ZC3H3: variants seen among roughly 807,000 people sequenced by gnomAD.
ZC3H3 encodes the protein zinc finger CCCH domain-containing protein 3.
Under a neutral mutation model 77.3 loss-of-function variants are expected in ZC3H3, and 36 were observed. The ratio of observed to expected loss-of-function variants is 0.47; its 90% CI spans 0.36 to 0.61. The LOEUF is 0.61. ZC3H3 is among the 20% of genes least tolerant of loss of function. The pLI is 0.00. For missense variants in ZC3H3, 1,331 were observed against 1,312.2 expected (o/e 1.01, Z -0.22); for synonymous variants, 626 against 555.2 (o/e 1.13, Z -1.79).
chr8:143,463,453 A>G (rs1283365431), intron 9 of ZC3H3, among the ~76,000 whole-genome samples: 6 of 152,230 alleles, frequency 3.9e-5, no homozygotes, highest in East Asian at 3.8e-4. Context: ...GGGGACGGCA[A>G]TGGACACAGC....
intron 5 of ZC3H3, among the ~76,000 whole-genome samples, chr8:143,473,542 G>C (rs909993048): frequency 1.3e-5 from 2 of 152,196 alleles, no homozygotes; most frequent in African/African-American, 4.8e-5. Context: ...TGGGCAGAGG[G>C]ATCAGCCTGG....
intron 3 of ZC3H3, among the ~76,000 whole-genome samples, chr8:143,526,694 C>T (rs1349433805): frequency 6.6e-6 from 1 of 152,150 alleles, no homozygotes; most frequent in Non-Finnish European, 1.5e-5. Context: ...AAGGCTACAG[C>T]CCCAGCAGGG....
intron 3 of ZC3H3, among the ~76,000 whole-genome samples, chr8:143,512,325 G>A (rs1006788891): frequency 7.9e-5 from 12 of 152,234 alleles, no homozygotes; most frequent in Non-Finnish European, 1.6e-4. Context: ...ATCAACAGCT[G>A]CCCTGGCACC....
chr8:143,439,293 T>C (rs747562184), intron 11 of ZC3H3, among the ~76,000 whole-genome samples: 3 of 152,096 alleles, frequency 2.0e-5, no homozygotes, highest in Non-Finnish European at 2.9e-5. Flanking sequence ...CATTTGAGTG[T>C]GCTCAGCGGA....
intron 4 of ZC3H3, among the ~76,000 whole-genome samples, chr8:143,498,327 G>C (rs1021026736): frequency 2.6e-5 from 4 of 152,232 alleles, no homozygotes; most frequent in Admixed American, 6.5e-5. Context: ...CTGCAGGGCT[G>C]AGCCTTCCTG....
At position 143,493,682 on chromosome 8, in the gene ZC3H3, T is replaced by C. The variant is rs1471067136; in HGVS notation, c.1715+14064A>G. Reference sequence around the variant, plus strand: ...ATGCTGTCAAGCCCCTGCTAGCAGCTTCTGTGGCACCTTCCGTGCAAAACC... The same window carrying C: ...ATGCTGTCAAGCCCCTGCTAGCAGCCTCTGTGGCACCTTCCGTGCAAAACC... On this transcript the variant is annotated intron_variant, in intron 4 of 11. Coordinates refer to ENST00000262577, the MANE Select transcript of ZC3H3 (RefSeq NM_015117.3). This position sits in a 1 kb window ranked among gnomAD's most constrained non-coding sequence, Gnocchi z 4.8. Among the ~76,000 whole-genome samples, 1 of 152,212 alleles carries C rather than the reference T, an allele frequency of 6.6e-6. No individual in the cohort carries two copies. The highest frequency in any genetic ancestry group is 6.5e-5 in the Admixed American group (1 of 15,278).
chr8:143,485,498 G>A (rs1227663681), intron 4 of ZC3H3, among the ~76,000 whole-genome samples: 1 of 152,134 alleles, frequency 6.6e-6, no homozygotes, highest in Admixed American at 6.5e-5. Flanking sequence ...TCTCCATGGG[G>A]AGACAAAAGG....
At chr8:143,482,373 C>T (rs371717594) in intron 4 of ZC3H3, among the ~76,000 whole-genome samples, 1 of 152,220 alleles carries the variant, frequency 6.6e-6, no homozygotes, top group Non-Finnish European at 1.5e-5. Flanking sequence ...CCTGGCCCTG[C>T]GGATGTGCCG....
chr8:143,481,231 A>C (rs1389069200), intron 4 of ZC3H3, among the ~76,000 whole-genome samples: 1 of 152,206 alleles, frequency 6.6e-6, no homozygotes, highest in Admixed American at 6.5e-5. Flanking sequence ...TGGTGCGACC[A>C]GCGGCTACAC....
intron 3 of ZC3H3, among the ~76,000 whole-genome samples, chr8:143,517,045 C>T (rs1822079244): frequency 6.6e-6 from 1 of 152,186 alleles, no homozygotes; most frequent in Non-Finnish European, 1.5e-5. Context: ...AGACGCAGCA[C>T]CACCGAAGCC....
Position 143,448,593 on chromosome 8 carries a change from G to T in ZC3H3, c.2308-7473C>A, listed in dbSNP as rs148313899. On this transcript the variant is annotated intron_variant, in intron 9 of 11. Coordinates refer to ENST00000262577, the MANE Select transcript of ZC3H3 (RefSeq NM_015117.3). The stretch of plus-strand genomic sequence containing the variant: ...GGCTCCCAAGTCCTCAGCCAGCTCC[G>T]CCGCCATGGCTCTGCAGGGTTCAGC... Among the ~76,000 whole-genome samples, 8 of 152,328 alleles carry T rather than the reference G, an allele frequency of 5.3e-5. No homozygotes were observed. In the East Asian group the frequency reaches 1.2e-3, roughly 22 times the overall value.
At chr8:143,520,571 G>A (rs1429248415) in intron 3 of ZC3H3, among the ~76,000 whole-genome samples, 2 of 152,180 alleles carry the variant, frequency 1.3e-5, no homozygotes, top group Admixed American at 6.5e-5. Flanking sequence ...CAGACACCCC[G>A]AGATCACCCA....
chr8:143,449,377 G>A (rs532863986), intron 9 of ZC3H3, among the ~76,000 whole-genome samples: 85 of 152,252 alleles, frequency 5.6e-4, no homozygotes, highest in Admixed American at 2.7e-3. Flanking sequence ...TATGAGCACC[G>A]AATGTCAGAA....
chr8:143,494,107 G>A lies in ZC3H3; in HGVS notation c.1715+13639C>T, dbSNP rs116886343. Among the ~76,000 whole-genome samples, 1,388 of 152,182 alleles carry A rather than the reference G, an allele frequency of 9.1e-3. 13 individuals carry two copies. Among genetic ancestry groups the A allele is most frequent in the Middle Eastern group, 0.024 (7 of 294 alleles). On this transcript the variant is annotated intron_variant, in intron 4 of 11. Coordinates refer to ENST00000262577, the MANE Select transcript of ZC3H3 (RefSeq NM_015117.3). The surrounding 1 kb of genome is among the most constrained non-coding windows in gnomAD (Gnocchi z 5.3). ...TGGGGAGTGGGAGGGGAAGGGGAGC[G>A]CTGAGGGCCATCCCCACAGGCCTCC...
rs567243882 is a variant in ZC3H3, at chr8:143,465,658, A to C, written c.2307+59T>G. The C allele has an allele frequency of 5.7e-5, 91 of 1,601,012 alleles. No individual in the cohort carries two copies. The East Asian group carries it at 1.8e-3, about 31-fold the overall frequency. ...CCACCACGGCAGGTACCCAGGAGTG[A>C]GCAGAGGACCAACAAGCCACAGGAA... On this transcript the variant is annotated intron_variant, in intron 9 of 11. Transcript: ENST00000262577.
At chr8:143,486,220 T>C (rs1318170443) in intron 4 of ZC3H3, among the ~76,000 whole-genome samples, 3 of 152,178 alleles carry the variant, frequency 2.0e-5, no homozygotes, top group Admixed American at 6.5e-5. Context: ...AAAGAATGAG[T>C]TCCCGCCAGG....
chr8:143,506,954 G>A (rs952311543), intron 4 of ZC3H3, among the ~76,000 whole-genome samples: 8 of 152,238 alleles, frequency 5.3e-5, no homozygotes, highest in Non-Finnish European at 1.0e-4. Flanking sequence ...TCTGGCCCAC[G>A]CCACTCCCCC....
intron 3 of ZC3H3, among the ~76,000 whole-genome samples, chr8:143,518,379 C>G (rs1398859619): frequency 6.6e-6 from 1 of 152,248 alleles, no homozygotes; most frequent in South Asian, 2.1e-4. Context: ...CCATGTGGCA[C>G]GGCCTTCTCT....
Position 143,539,348 on chromosome 8 carries a change from T to A in ZC3H3, c.47-28A>T, listed in dbSNP as rs751515421. ...GAGAAGACAGAACCACAGGCCCAGTTAGCCAGAGGGTAACCGCGATAATCA... is the reference window on the plus strand; with the variant it reads ...GAGAAGACAGAACCACAGGCCCAGTAAGCCAGAGGGTAACCGCGATAATCA... On this transcript the variant is annotated intron_variant, in intron 1 of 11. Coordinates refer to ENST00000262577, the MANE Select transcript of ZC3H3 (RefSeq NM_015117.3). 2.5e-6 allele frequency: 4 copies of A among 1,570,230 alleles called. No individual in the cohort carries two copies. In the East Asian group the frequency reaches 9.0e-5, roughly 35 times the overall value.
Sources: gnomAD v4.1 joint callset for allele counts (sites outside exome capture counted in the v4.1 genomes callset) on GRCh38, gnomAD v4.1.1 for gene constraint, Gnocchi (gnomAD v3.1) non-coding constraint, MANE v1.5 for transcripts, NCBI Gene and HGNC (gene_info 2026-07-23, HGNC 2026-07-21) for gene names.